The following RIF1 variants were observed in gnomAD, a reference collection of about 807,000 sequenced individuals.
RIF1 encodes the protein replication timing regulatory factor 1.
RIF1 carries 45 observed loss-of-function variants against 247.1 expected under a neutral mutation model. That is an observed-to-expected ratio of 0.18 (90% CI 0.14 to 0.23). The LOEUF is 0.23. Ranked by LOEUF, RIF1 falls within the 10% of genes least tolerant of loss-of-function variation. The probability of loss-of-function intolerance (pLI) is 1.00; values close to 1 mark genes in which losing one functional copy is unlikely to be tolerated. For synonymous variants in RIF1, 1,087 were observed against 978.8 expected (o/e 1.11, Z -2.06); for missense variants, 2,967 against 2,862.5 (o/e 1.04, Z -0.83).
At chr2:151,424,825 A>ATT (rs71000475) in intron 8 of RIF1, among the ~76,000 whole-genome samples, 1,256 of 47,172 alleles carry the variant, frequency 0.027, 52 homozygotes, top group Admixed American at 0.034. Context: ...AGCCCGGCTG[A>ATT]TTTTTTTTTT....
chr2:151,498,660 A>AG (rs1268198763), intron 10 of RIF1, among the ~76,000 whole-genome samples: 2 of 152,214 alleles, frequency 1.3e-5, no homozygotes, highest in Admixed American at 6.5e-5. Flanking sequence ...TGTTACAAGG[A>AG]GGGAAAAAAG....
At chr2:151,496,710 C>T (rs2060466505) in intron 10 of RIF1, among the ~76,000 whole-genome samples, 2 of 151,832 alleles carry the variant, frequency 1.3e-5, no homozygotes, top group African/African-American at 4.8e-5. Context: ...AACGGAAAAA[C>T]TCATTTTTAA....
chr2:151,510,568 C>A (rs1016241979), downstream of RIF1, among the ~76,000 whole-genome samples: 1 of 152,164 alleles, frequency 6.6e-6, no homozygotes, highest in Admixed American at 6.5e-5. Flanking sequence ...GAGTACATTA[C>A]AATAAGATAT....
At chr2:151,504,530 A>G (rs2067261501) in intron 12 of RIF1, among the ~76,000 whole-genome samples, 1 of 152,248 alleles carries the variant, frequency 6.6e-6, no homozygotes. Flanking sequence ...GCAGAGAGTG[A>G]GAAGGGAATG....
Position 151,506,897 on chromosome 2 carries a change from T to C in RIF1, c.*1027+522T>C, listed in dbSNP as rs1269229468. ...AGGTTAGCATTAAATGCAAAATAAA[T>C]AGTAAATATACCGAGCTGAAATTCT... On this transcript the variant is annotated intron_variant and NMD_transcript_variant, in intron 13 of 13. Transcript: ENST00000454583. 1.3e-6 allele frequency: 2 copies of C among 1,542,188 alleles called. No homozygotes were observed. Among genetic ancestry groups the C allele is most frequent in the African/African-American group, 1.4e-5 (1 of 73,250 alleles).
chr2:151,443,692 A>G lies in RIF1; in HGVS notation c.1969A>G (p.Thr657Ala). 6.3e-7 allele frequency: 1 copy of G among 1,578,888 alleles called. No individual in the cohort carries two copies. The change falls in exon 18 of 36, where the codon ACT becomes GCT. Residue 657 changes from threonine (T) to alanine (A), a missense_variant. Physicochemically the swap from Thr to Ala is moderately conservative, Grantham distance 58 (BLOSUM62 0). Around this residue, in one of 7 missense-constraint regions of RIF1, gnomAD observed 76 missense variants for 113.3 expected, o/e 0.67. Coordinates refer to ENST00000444746, the MANE Select transcript of RIF1 (RefSeq NM_018151.5). ...GTGGAGTGTTATAGTCACCCCATTAACTGAATTGATTAATCAGGTATGAAA... is the reference window on the plus strand; with the variant it reads ...GTGGAGTGTTATAGTCACCCCATTAGCTGAATTGATTAATCAGGTATGAAA... ...KMWSVIVTPL[T>A]ELINQTNEVN...
At chr2:151,497,401 AGATT>A in intron 10 of RIF1, 1 of 977,970 alleles carries the variant, frequency 1.0e-6, no homozygotes, top group South Asian at 4.7e-5. Context: ...TTTAAAAAAA[AGATT>A]GAAAATACCA....
chr2:151,516,486 G>T, the RIF1 span: 2,507 of 1,612,934 alleles, frequency 1.6e-3, 4 homozygotes, highest in Non-Finnish European at 1.9e-3. Flanking sequence ...GAGACTCTTT[G>T]GCAGTGATGT....
chr2:151,525,772 T>C, the RIF1 span, among the ~76,000 whole-genome samples: 3 of 152,228 alleles, frequency 2.0e-5, no homozygotes, highest in African/African-American at 7.2e-5. Flanking sequence ...TTTGCCATAA[T>C]TGCCAGAATT....
In RIF1 at chr2:151,449,439, CTT is replaced by C. The variant is rs529185539; in HGVS notation, c.2245-2163_2245-2162del. 5.9e-4 allele frequency among the ~76,000 whole-genome samples: 89 copies of C among 151,906 alleles called. 1 individual carries two copies. The highest frequency in any genetic ancestry group is 5.1e-3 in the Admixed American group (77 of 15,240). On this transcript the variant is annotated intron_variant, in intron 20 of 35. Transcript: ENST00000444746. ...AGTTGTATTCTTTTTTTCTTTCTCTCTTTTTCTTTCTTTTCTTTCTTTCTTGA... is the reference window on the plus strand; with the variant it reads ...AGTTGTATTCTTTTTTTCTTTCTCTCTTTCTTTCTTTTCTTTCTTTCTTGA...
At chr2:151,487,439 C>T (rs929608398) in intron 9 of RIF1, among the ~76,000 whole-genome samples, 2 of 152,160 alleles carry the variant, frequency 1.3e-5, no homozygotes, top group Non-Finnish European at 2.9e-5. Flanking sequence ...AATAGATTTC[C>T]TTTCCCCTTT....
In RIF1 at chr2:151,424,697, G is replaced by A. The variant is rs187005105; in HGVS notation, c.786+1655G>A. Among the ~76,000 whole-genome samples, 8 of 151,596 alleles carry A rather than the reference G, an allele frequency of 5.3e-5. No individual in the cohort carries two copies. The East Asian group carries it at 1.6e-3, about 30-fold the overall frequency. The stretch of plus-strand genomic sequence containing the variant: ...AACTCTTTTTTTGAGACAAGGTCTG[G>A]CTCTATCTATCACCCAGGCTGGAGT... On this transcript the variant is annotated intron_variant, in intron 8 of 35. Coordinates refer to ENST00000444746, the MANE Select transcript of RIF1 (RefSeq NM_018151.5).
chr2:151,493,966 T>G (rs771647581), intron 9 of RIF1: 7 of 939,440 alleles, frequency 7.5e-6, no homozygotes, highest in Non-Finnish European at 1.1e-5. Context: ...AATCTATTAC[T>G]ATTAGTGAGA....
intron 3 of RIF1, among the ~76,000 whole-genome samples, chr2:151,412,482 A>T (rs1056780615): frequency 7.2e-5 from 11 of 151,856 alleles, no homozygotes; most frequent in African/African-American, 2.7e-4. Context: ...CACCATGCCC[A>T]GCTTTTGTGC....
chr2:151,468,265 C>T (rs1287362702), intron 31 of RIF1, 119 bp downstream of exon 31: 7 of 1,042,846 alleles, frequency 6.7e-6, no homozygotes, highest in Non-Finnish European at 9.6e-6. Flanking sequence ...AAAATATATT[C>T]TTTTGTCTGG....
intron 9 of RIF1, among the ~76,000 whole-genome samples, chr2:151,488,309 C>G (rs2052866774): frequency 6.6e-6 from 1 of 151,926 alleles, no homozygotes; most frequent in Non-Finnish European, 1.5e-5. Context: ...TTTTATACTT[C>G]TAGATTTTGG....
At chr2:151,514,484 C>G in the RIF1 span, 5 of 1,329,818 alleles carry the variant, frequency 3.8e-6, no homozygotes, top group Admixed American at 1.7e-5. Flanking sequence ...TTGATTCTCT[C>G]AGGCAAAGAA....
chr2:151,516,593 C>T, the RIF1 span: 10 of 1,399,088 alleles, frequency 7.1e-6, no homozygotes, highest in African/African-American at 5.7e-5. Flanking sequence ...TTAGATATCT[C>T]TCCTCTGGTC....
At chr2:151,506,841 G>T in intron 13 of RIF1, 1 of 1,012,854 alleles carries the variant, frequency 9.9e-7, no homozygotes. Flanking sequence ...TATAAGGCTA[G>T]TATATTTTTA....
Sources: allele counts gnomAD v4.1 joint callset (sites outside exome capture counted in the v4.1 genomes callset), GRCh38; gene constraint gnomAD v4.1.1; regional missense constraint gnomAD v4.1.1; transcripts MANE v1.5; gene names NCBI Gene and HGNC (gene_info 2026-07-23, HGNC 2026-07-21).